LOC128462377: variants seen among roughly 807,000 people sequenced by gnomAD.
chr16:89,372,196 G>C, the LOC128462377 span, among the ~76,000 whole-genome samples: 2 of 152,246 alleles, frequency 1.3e-5, no homozygotes, highest in African/African-American at 4.8e-5. Flanking sequence ...CAGCGGCAGC[G>C]CACGGCAAGA....
chr16:89,398,233 G>A, the LOC128462377 span, among the ~76,000 whole-genome samples: 58 of 150,800 alleles, frequency 3.8e-4, no homozygotes, highest in Non-Finnish European at 6.8e-4. Flanking sequence ...TCAGCACTCT[G>A]GGAGGCTGAC....
At chr16:89,392,992 AC>A in the LOC128462377 span, among the ~76,000 whole-genome samples, 1 of 151,374 alleles carries the variant, frequency 6.6e-6, no homozygotes, top group East Asian at 1.9e-4. Context: ...CCTTTTCTAA[AC>A]TCCAGCCTAT....
At chr16:89,326,957 A>C in the LOC128462377 span, among the ~76,000 whole-genome samples, 6 of 152,260 alleles carry the variant, frequency 3.9e-5, no homozygotes, top group Admixed American at 1.3e-4. Context: ...AGAGAAAAGC[A>C]GGTACAGCAA....
the LOC128462377 span, among the ~76,000 whole-genome samples, chr16:89,328,591 G>C: frequency 1.3e-5 from 2 of 151,902 alleles, no homozygotes; most frequent in African/African-American, 2.4e-5. Context: ...CCAGGCGTAC[G>C]GGTGAATCTG....
At chr16:89,417,861 G>C in the LOC128462377 span, among the ~76,000 whole-genome samples, 3 of 151,212 alleles carry the variant, frequency 2.0e-5, no homozygotes, top group African/African-American at 7.3e-5. Flanking sequence ...GGATCCTAAC[G>C]AGCAGAACAG....
chr16:89,332,419 C>T, the LOC128462377 span, among the ~76,000 whole-genome samples: 31 of 152,314 alleles, frequency 2.0e-4, no homozygotes, highest in Admixed American at 4.6e-4. Flanking sequence ...TGCCTTACAG[C>T]TCCACACGTC....
chr16:89,330,721 G>A, the LOC128462377 span, among the ~76,000 whole-genome samples: 683 of 134,720 alleles, frequency 5.1e-3, 3 homozygotes, highest in African/African-American at 0.018. Flanking sequence ...GAAGTCCCAC[G>A]GCTTCACTTC....
chr16:89,394,398 G>T, the LOC128462377 span, among the ~76,000 whole-genome samples: 1 of 152,232 alleles, frequency 6.6e-6, no homozygotes, highest in African/African-American at 2.4e-5. Flanking sequence ...GGAGGCCAAG[G>T]CGGGCAGATC....
the LOC128462377 span, among the ~76,000 whole-genome samples, chr16:89,318,069 T>C: frequency 0.014 from 2,182 of 152,302 alleles, 62 homozygotes; most frequent in African/African-American, 0.049. Flanking sequence ...CAACAGGCAG[T>C]TGGGGGAGGC....
At chr16:89,374,000 TA>T in the LOC128462377 span, among the ~76,000 whole-genome samples, 1 of 152,256 alleles carries the variant, frequency 6.6e-6, no homozygotes, top group East Asian at 1.9e-4. Context: ...ACGACCACAA[TA>T]CCTGCAGGAC....
At chr16:89,415,631 C>G in the LOC128462377 span, among the ~76,000 whole-genome samples, 4 of 151,026 alleles carry the variant, frequency 2.6e-5, no homozygotes, top group African/African-American at 9.7e-5. Context: ...CATTCAAGAC[C>G]AGCCTGGCCA....
the LOC128462377 span, among the ~76,000 whole-genome samples, chr16:89,357,675 G>C: frequency 6.6e-6 from 1 of 152,198 alleles, no homozygotes; most frequent in East Asian, 1.9e-4. Flanking sequence ...ACGCGACTCA[G>C]CCCTAACGAG....
chr16:89,373,282 G>A, the LOC128462377 span: 1 of 152,260 alleles, frequency 6.6e-6, no homozygotes, highest in African/African-American at 2.4e-5. Flanking sequence ...CCAGATAAGT[G>A]GTAAGGCTGT....
At chr16:89,344,482 GAC>G in the LOC128462377 span, among the ~76,000 whole-genome samples, 1 of 152,136 alleles carries the variant, frequency 6.6e-6, no homozygotes, top group Non-Finnish European at 1.5e-5. Context: ...TGAAGCGAGT[GAC>G]ACAGATTTTA....
At chr16:89,373,575 G>A in the LOC128462377 span, 8 of 152,286 alleles carry the variant, frequency 5.3e-5, no homozygotes, top group Non-Finnish European at 1.0e-4. Context: ...AGACACCAGC[G>A]ATTCGAGAGA....
the LOC128462377 span, among the ~76,000 whole-genome samples, chr16:89,357,828 C>G: frequency 3.3e-5 from 5 of 152,208 alleles, no homozygotes; most frequent in Admixed American, 3.3e-4. Flanking sequence ...CACAGGACAA[C>G]GCTGCTGAAG....
At chr16:89,369,378 G>T in the LOC128462377 span, among the ~76,000 whole-genome samples, 1 of 152,204 alleles carries the variant, frequency 6.6e-6, no homozygotes, top group East Asian at 1.9e-4. Context: ...TGCATGACCC[G>T]CATGACCCTG....
the LOC128462377 span, among the ~76,000 whole-genome samples, chr16:89,380,638 T>C: frequency 6.6e-6 from 1 of 152,024 alleles, no homozygotes; most frequent in Non-Finnish European, 1.5e-5. Context: ...CAATAACCAA[T>C]AGGAGACAGG....
At chr16:89,357,229 C>T in the LOC128462377 span, among the ~76,000 whole-genome samples, 5 of 152,114 alleles carry the variant, frequency 3.3e-5, no homozygotes, top group African/African-American at 1.2e-4. Flanking sequence ...TCAGCTTCAA[C>T]ACACCCAGGA....
Sources: gnomAD v4.1 joint callset for allele counts (sites outside exome capture counted in the v4.1 genomes callset) on GRCh38, gnomAD v4.1.1 for gene constraint, MANE v1.5 for transcripts.